The following RHD variants were observed in gnomAD, a reference collection of about 807,000 sequenced individuals.
RHD encodes the protein blood group Rh(D) polypeptide.
A neutral mutation model predicts 45.5 loss-of-function variants in RHD; 16 were observed. The observed-to-expected ratio is 0.35, with a 90% CI of 0.24 to 0.53. The LOEUF (loss-of-function observed/expected upper bound fraction) is 0.53. RHD is among the 20% of genes least tolerant of loss of function. RHD has a pLI of 0.92. For missense variants in RHD, 306 were observed against 532.0 expected, an observed-to-expected ratio of 0.58 and a Z score of 4.18; for synonymous variants, 131 against 217.5, an observed-to-expected ratio of 0.60 and a Z score of 3.50.
In RHD at chr1:25,329,606, T is replaced by C. The variant is rs1333811046; in HGVS notation, c.*682T>C. 7.1e-6 allele frequency: 1 copy of C among 140,852 alleles called. No individual in the cohort carries two copies. The highest frequency in any genetic ancestry group is 1.7e-5 in the Non-Finnish European group (1 of 60,094). The allele number at this position is 140,852 out of a possible 1,614,324, so 8.7% of individuals were successfully genotyped here. A position where few individuals can be genotyped will look rare whatever the true frequency, so the allele number is the denominator to read the frequency against. ...AACTGCTTTGACATGACTGCAATCA[T>C]GTGCTTCATAGAAACTTAATTAGAT... On this transcript the variant is annotated 3_prime_UTR_variant, in exon 10 of 10. Transcript: ENST00000328664.
In RHD at chr1:25,292,202, G is replaced by C. The variant is rs896007878; in HGVS notation, c.486+1411G>C. 3.8e-5 allele frequency among the ~76,000 whole-genome samples: 5 copies of C among 132,638 alleles called. 1 individual carries two copies. Among genetic ancestry groups the C allele is most frequent in the Admixed American group, 3.7e-4 (5 of 13,574 alleles). 87.0% of individuals were successfully genotyped at this position (132,638 alleles called of 152,430 possible). A position where few individuals can be genotyped will look rare whatever the true frequency, so the allele number is the denominator to read the frequency against. On this transcript the variant is annotated intron_variant, in intron 3 of 9. Transcript: ENST00000328664. ...AAAAAGCATGAAGCCCCTTTACTGTGCCTCAGTGTCCCAAAGGACTTTGGA... is the reference window on the plus strand; with the variant it reads ...AAAAAGCATGAAGCCCCTTTACTGTCCCTCAGTGTCCCAAAGGACTTTGGA...
intron 7 of RHD, among the ~76,000 whole-genome samples, chr1:25,309,662 G>A (rs1236484819): frequency 7.6e-6 from 1 of 131,912 alleles, no homozygotes; most frequent in Non-Finnish European, 1.8e-5. Flanking sequence ...GCCAAGCTTT[G>A]TGGACAGGCC....
rs1644580821 is a variant in RHD, at chr1:25,319,423, C to A, written c.1153+2344C>A. 1.5e-5 allele frequency among the ~76,000 whole-genome samples: 2 copies of A among 131,352 alleles called. 1 individual carries two copies. The highest frequency in any genetic ancestry group is 3.6e-5 in the Non-Finnish European group (2 of 55,366). 86.2% of individuals were successfully genotyped at this position (131,352 alleles called of 152,430 possible). On this transcript the variant is annotated intron_variant, in intron 8 of 9. Coordinates refer to ENST00000328664, the MANE Select transcript of RHD (RefSeq NM_016124.6). ...TTGAGGCCAGGAGTTCAAGCCAGGG[C>A]AACATAGTGAGACCCCATCTCTACA...
Position 25,306,769 on chromosome 1 carries a change from C to T in RHD, c.1073+40C>T, listed in dbSNP as rs200442437. ...TTACCCCCCATCCCCTTAACACTCC[C>T]CTCCAACTCAGGAAGAAATGTGTGC... On this transcript the variant is annotated intron_variant, in intron 7 of 9. Coordinates refer to ENST00000328664, the MANE Select transcript of RHD (RefSeq NM_016124.6). The T allele has an allele frequency of 3.4e-4, 459 of 1,366,862 alleles. 113 individuals carry two copies. Among genetic ancestry groups the T allele is most frequent in the Non-Finnish European group, 1.0e-4 (98 of 969,960 alleles). 84.7% of individuals were successfully genotyped at this position (1,366,862 alleles called of 1,614,324 possible).
rs368588012 is a variant in RHD, at chr1:25,314,772, A to G, written c.1074-2228A>G. ...GCCCACCTTGGCCTCCCAAAGTGCC[A>G]GGATTACAGGTGTGAGCCACCATGC... On this transcript the variant is annotated intron_variant, in intron 7 of 9. Transcript: ENST00000328664. Among the ~76,000 whole-genome samples the G allele has an allele frequency of 1.6e-4, 21 of 131,868 alleles. 1 individual carries two copies. The East Asian group carries it at 3.9e-3, about 25-fold the overall frequency. The allele number at this position is 131,868 out of a possible 152,430, so 86.5% of individuals were successfully genotyped here. A position where few individuals can be genotyped will look rare whatever the true frequency, so the allele number is the denominator to read the frequency against.
In RHD at chr1:25,301,504, C is replaced by A; in HGVS notation, c.635-16C>A. The A allele has an allele frequency of 2.2e-6, 3 of 1,377,180 alleles. 1 individual carries two copies. Among genetic ancestry groups the A allele is most frequent in the Non-Finnish European group, 3.1e-6 (3 of 977,940 alleles). 85.3% of individuals were successfully genotyped at this position (1,377,180 alleles called of 1,614,324 possible). ...CAGGAGTGTGATTCTGGCCAACCAC[C>A]CTCTCTGGCCCCCAGGCGCCCTCTT... On this transcript the variant is annotated splice_polypyrimidine_tract_variant and intron_variant, in intron 4 of 9. Transcript: ENST00000328664.
At chr1:25,303,681 G>A (rs1412726662) in intron 6 of RHD, among the ~76,000 whole-genome samples, 1 of 132,000 alleles carries the variant, frequency 7.6e-6, no homozygotes, top group African/African-American at 2.6e-5. Context: ...TTGGGCATTG[G>A]GGAGAATTTG....
chr1:25,276,431 A>AC (rs1284970487), intron 1 of RHD, among the ~76,000 whole-genome samples: 3 of 123,332 alleles, frequency 2.4e-5, no homozygotes, highest in African/African-American at 8.6e-5. Context: ...AAAAAAAAAA[A>AC]CACCCTGGCT....
Position 25,299,093 on chromosome 1 carries a change from A to C in RHD, c.487-1853A>C, listed in dbSNP as rs1444759109. On this transcript the variant is annotated intron_variant, in intron 3 of 9. Coordinates refer to ENST00000328664, the MANE Select transcript of RHD (RefSeq NM_016124.6). The stretch of plus-strand genomic sequence containing the variant: ...GTGATAAAAAAAAAAAAAAAAAAAA[A>C]AAAACAGGCTGGGAGCAGTGGCTCA... Among the ~76,000 whole-genome samples the C allele has an allele frequency of 6.3e-5, 8 of 126,642 alleles. No homozygotes were observed. In the South Asian group the frequency reaches 1.2e-3, roughly 19 times the overall value. The allele number at this position is 126,642 out of a possible 152,430, so 83.1% of individuals were successfully genotyped here.
chr1:25,311,414 A>T (rs1644140437), intron 7 of RHD, among the ~76,000 whole-genome samples: 1 of 130,810 alleles, frequency 7.6e-6, no homozygotes, highest in African/African-American at 2.6e-5. Flanking sequence ...ATTCCCAGCT[A>T]CCTGGGAGGC....
At chr1:25,283,894 C>T (rs1353422720) in intron 1 of RHD, among the ~76,000 whole-genome samples, 2 of 134,108 alleles carry the variant, frequency 1.5e-5, no homozygotes, top group Non-Finnish European at 3.5e-5. Flanking sequence ...TGCTGGGCCC[C>T]TCCCTGCCCT....
At position 25,300,171 on chromosome 1, in the gene RHD, C is replaced by G. The variant is rs1437165289; in HGVS notation, c.487-775C>G. ...CTGAGAAGTAGGAATCAGTGAGGTG[C>G]GTGTCCATGTGGGTTTTTGCCACAC... On this transcript the variant is annotated intron_variant, in intron 3 of 9. Coordinates refer to ENST00000328664, the MANE Select transcript of RHD (RefSeq NM_016124.6). 6.1e-5 allele frequency among the ~76,000 whole-genome samples: 8 copies of G among 131,170 alleles called. 1 individual carries two copies. 86.1% of individuals were successfully genotyped at this position (131,170 alleles called of 152,430 possible).
At position 25,304,745 on chromosome 1, in the gene RHD, A is replaced by G. The variant is rs1231170866; in HGVS notation, c.939+1286A>G. ...GGAAAAACGTATCAATACTTCGATTAACCAAAACCAGGGCAAATCTGATTT... is the reference window on the plus strand; with the variant it reads ...GGAAAAACGTATCAATACTTCGATTGACCAAAACCAGGGCAAATCTGATTT... On this transcript the variant is annotated intron_variant, in intron 6 of 9. Transcript: ENST00000328664. 1.3e-4 allele frequency: 17 copies of G among 132,280 alleles called. 1 individual carries two copies. Among genetic ancestry groups the G allele is most frequent in the Admixed American group, 8.8e-4 (12 of 13,602 alleles). The allele number at this position is 132,280 out of a possible 1,614,324, so 8.2% of individuals were successfully genotyped here.
chr1:25,284,058 G>A (rs1483363151), intron 1 of RHD, among the ~76,000 whole-genome samples: 4 of 135,174 alleles, frequency 3.0e-5, no homozygotes, highest in African/African-American at 1.0e-4. Context: ...GGTTTGCTGT[G>A]AAGATTATGT....
chr1:25,288,217 T>C (rs1442368600), intron 2 of RHD, among the ~76,000 whole-genome samples: 1 of 131,050 alleles, frequency 7.6e-6, no homozygotes, highest in Admixed American at 7.4e-5. Context: ...AGGACCTCAC[T>C]GTGTTGCTCA....
At position 25,303,484 on chromosome 1, in the gene RHD, C is replaced by T. The variant is rs1429232742; in HGVS notation, c.939+25C>T. On this transcript the variant is annotated intron_variant, in intron 6 of 9. Transcript: ENST00000328664. ...GGTAAGAAACTAGACAACTAACCTC[C>T]TCTGCTTTGGCTGAAGGCCAGCAGG... is the stretch of plus-strand genomic sequence containing the variant. 2.9e-6 allele frequency: 4 copies of T among 1,378,576 alleles called. No individual in the cohort carries two copies. In the South Asian group the frequency reaches 3.5e-5, roughly 12 times the overall value. The allele number at this position is 1,378,576 out of a possible 1,614,324, so 85.4% of individuals were successfully genotyped here. A position where few individuals can be genotyped will look rare whatever the true frequency, so the allele number is the denominator to read the frequency against.
rs1644569713 is a variant in RHD, at chr1:25,319,209, T to C, written c.1153+2130T>C. ...TTGCAAAGTACCAGGAGGTCTTTTC[T>C]TATTCTTCACTGGAGTCAAAAAAGA... On this transcript the variant is annotated intron_variant, in intron 8 of 9. Coordinates refer to ENST00000328664, the MANE Select transcript of RHD (RefSeq NM_016124.6). Among the ~76,000 whole-genome samples the C allele has an allele frequency of 1.5e-5, 2 of 132,578 alleles. 1 individual carries two copies. Among genetic ancestry groups the C allele is most frequent in the Admixed American group, 1.5e-4 (2 of 13,584 alleles). The allele number at this position is 132,578 out of a possible 152,430, so 87.0% of individuals were successfully genotyped here.
intron 8 of RHD, among the ~76,000 whole-genome samples, chr1:25,321,337 A>G (rs1344614218): frequency 1.7e-5 from 2 of 114,776 alleles, no homozygotes; most frequent in African/African-American, 6.0e-5. Flanking sequence ...TGCCATTCCC[A>G]GTTCTTTTTT....
In RHD at chr1:25,307,491, A is replaced by G. The variant is rs149085087; in HGVS notation, c.1073+762A>G. ...TGGTAGCATGATGATAATCATATTC[A>G]CTGATAACATTTACTACTGTTATTG... On this transcript the variant is annotated intron_variant, in intron 7 of 9. Transcript: ENST00000328664. 5.3e-3 allele frequency among the ~76,000 whole-genome samples: 704 copies of G among 132,696 alleles called. 108 individuals are homozygous for G. The highest frequency in any genetic ancestry group is 0.015 in the African/African-American group (576 of 38,618). The allele number at this position is 132,696 out of a possible 152,430, so 87.1% of individuals were successfully genotyped here. A position where few individuals can be genotyped will look rare whatever the true frequency, so the allele number is the denominator to read the frequency against.
Sources: gnomAD v4.1 joint callset for allele counts (sites outside exome capture counted in the v4.1 genomes callset) on GRCh38, gnomAD v4.1.1 for gene constraint, MANE v1.5 for transcripts, NCBI Gene and HGNC (gene_info 2026-07-23, HGNC 2026-07-21) for gene names.